RGS6: variants seen among roughly 807,000 people sequenced by gnomAD.
RGS6 encodes regulator of G protein signaling 6.
A neutral mutation model predicts 78.5 loss-of-function variants in RGS6; 30 were observed. That is an observed-to-expected ratio of 0.38 (90% CI 0.29 to 0.52). The LOEUF is 0.52. Among genes scored for constraint, RGS6 ranks in the 20% least tolerant of loss-of-function variants. The pLI is 0.85. For missense variants in RGS6, 495 were observed against 609.7 expected, an observed-to-expected ratio of 0.81 and a Z score of 1.98; for synonymous variants, 206 against 206.0, an observed-to-expected ratio of 1.00 and a Z score of 0.00.
At chr14:72,447,513 T>G (rs1001633762) in intron 3 of RGS6, among the ~76,000 whole-genome samples, 2 of 152,178 alleles carry the variant, frequency 1.3e-5, no homozygotes, top group South Asian at 4.1e-4. Context: ...AACACAAGGA[T>G]TCCAAGTTAC....
intron 3 of RGS6, among the ~76,000 whole-genome samples, chr14:72,381,881 A>G (rs2086220331): frequency 6.6e-6 from 1 of 152,098 alleles, no homozygotes; most frequent in Non-Finnish European, 1.5e-5. Flanking sequence ...CAAATTGGGA[A>G]AGGATATAAA....
chr14:72,280,809 T>A (rs946631633), intron 2 of RGS6, among the ~76,000 whole-genome samples: 2 of 152,174 alleles, frequency 1.3e-5, no homozygotes, highest in African/African-American at 4.8e-5. Flanking sequence ...GTGTTAAAGG[T>A]GAGACTGAGT....
chr14:72,085,853 CAAAA>C (rs35951230), intron 2 of RGS6, among the ~76,000 whole-genome samples: 67 of 72,746 alleles, frequency 9.2e-4, no homozygotes, highest in Non-Finnish European at 1.1e-3. Flanking sequence ...GACACCATCT[CAAAA>C]AAAAAAAAAA....
chr14:72,137,317 C>A (rs1293204447), intron 2 of RGS6, among the ~76,000 whole-genome samples: 3 of 152,164 alleles, frequency 2.0e-5, no homozygotes, highest in African/African-American at 4.8e-5. Context: ...ACAGGAGAAA[C>A]CAAACTGCTT....
chr14:72,103,606 A>G (rs1327200582), intron 2 of RGS6, among the ~76,000 whole-genome samples: 2 of 152,228 alleles, frequency 1.3e-5, no homozygotes, highest in Non-Finnish European at 2.9e-5. Flanking sequence ...CCCCTAAGTA[A>G]GAAAAATCAC....
chr14:72,542,109 A>T (rs1184249593), intron 17 of RGS6, among the ~76,000 whole-genome samples: 2 of 151,898 alleles, frequency 1.3e-5, no homozygotes, highest in African/African-American at 4.8e-5. Flanking sequence ...AACTATTAAA[A>T]AAAACTAAAT....
At chr14:71,879,010 C>T in the RGS6 span, among the ~76,000 whole-genome samples, 13 of 152,196 alleles carry the variant, frequency 8.5e-5, no homozygotes, top group African/African-American at 2.6e-4. Context: ...ATATCTGTAT[C>T]GTTCACTTCA....
rs5809572 is a variant in RGS6 at position 72,416,144 on chromosome 14, CAA to C, written c.185-38367_185-38366del. Among the ~76,000 whole-genome samples, 834 of 97,116 alleles carry C rather than the reference CAA, an allele frequency of 8.6e-3. 7 individuals carry two copies. Among genetic ancestry groups the C allele is most frequent in the Middle Eastern group, 0.024 (4 of 164 alleles). The allele number at this position is 97,116 out of a possible 152,430, so 63.7% of individuals were successfully genotyped here. A position where few individuals can be genotyped will look rare whatever the true frequency, so the allele number is the denominator to read the frequency against. On this transcript the variant is annotated intron_variant, in intron 3 of 17. Transcript: ENST00000553525. ...TGGGTGACAGAATGAGACTCTGTCT[CAA>C]AAAAAAAAAAAAAAAAGTTTATTCC... is the stretch of plus-strand genomic sequence containing the variant.
chr14:72,412,326 T>G (rs934726027), intron 3 of RGS6, among the ~76,000 whole-genome samples: 23 of 152,230 alleles, frequency 1.5e-4, no homozygotes, highest in South Asian at 6.2e-4. Context: ...ATTTATCCAT[T>G]TCTTCTAGAT....
intron 15 of RGS6, among the ~76,000 whole-genome samples, chr14:72,529,544 A>C (rs147940677): frequency 1.8e-4 from 27 of 152,286 alleles, no homozygotes; most frequent in Non-Finnish European, 3.5e-4. Context: ...TCTGACCCAC[A>C]TGGGCCTCCT....
At chr14:72,272,034 C>A (rs1326059851) in intron 2 of RGS6, among the ~76,000 whole-genome samples, 1 of 151,618 alleles carries the variant, frequency 6.6e-6, no homozygotes, top group Non-Finnish European at 1.5e-5. Context: ...CAATTGACAA[C>A]CTTAATTCTA....
At chr14:72,037,323 C>T (rs542619827) in intron 2 of RGS6, among the ~76,000 whole-genome samples, 1 of 152,202 alleles carries the variant, frequency 6.6e-6, no homozygotes, top group Non-Finnish European at 1.5e-5. Flanking sequence ...ATAAATCTTG[C>T]TGCTGCTCAC....
intron 3 of RGS6, among the ~76,000 whole-genome samples, chr14:72,442,023 G>A (rs2095222384): frequency 6.6e-6 from 1 of 152,158 alleles, no homozygotes; most frequent in East Asian, 1.9e-4. Context: ...TGGAATGGAG[G>A]GAAATGTTTG....
intron 1 of RGS6, among the ~76,000 whole-genome samples, chr14:71,936,711 A>G (rs1443544390): frequency 6.6e-6 from 1 of 152,176 alleles, no homozygotes; most frequent in Admixed American, 6.5e-5. Context: ...TGTGAAGTCA[A>G]TAAATCTTAT....
intron 2 of RGS6, among the ~76,000 whole-genome samples, chr14:72,013,731 G>A (rs1394905806): frequency 1.3e-5 from 2 of 152,218 alleles, no homozygotes; most frequent in Non-Finnish European, 2.9e-5. Flanking sequence ...TGCAATGTAT[G>A]TTGTAAACAT....
At position 72,194,005 on chromosome 14, in the gene RGS6, C is replaced by T. The variant is rs535619516; in HGVS notation, c.85-158090C>T. Among the ~76,000 whole-genome samples the T allele has an allele frequency of 2.5e-4, 38 of 152,146 alleles. 1 individual carries two copies. The South Asian group carries it at 6.2e-3, about 25-fold the overall frequency. ...TATGCTTTAAAGGGACCATTCTGAC[C>T]GTCATGTGCAATGAATGGAGTTGAG... On this transcript the variant is annotated intron_variant, in intron 2 of 17. Transcript: ENST00000553525.
intron 2 of RGS6, among the ~76,000 whole-genome samples, chr14:72,313,155 C>T (rs1177411206): frequency 3.3e-5 from 5 of 152,190 alleles, no homozygotes; most frequent in African/African-American, 7.2e-5. Context: ...TAGCGTCCTA[C>T]CATCTCCCTC....
intron 2 of RGS6, among the ~76,000 whole-genome samples, chr14:72,306,466 T>C (rs909147518): frequency 2.6e-5 from 4 of 152,206 alleles, no homozygotes; most frequent in Admixed American, 2.0e-4. Flanking sequence ...AGGATTCCTC[T>C]TGGATCTGAG....
chr14:72,322,658 A>G (rs1314859628), intron 2 of RGS6, among the ~76,000 whole-genome samples: 1 of 152,090 alleles, frequency 6.6e-6, no homozygotes, highest in Non-Finnish European at 1.5e-5. Context: ...AATATTAGAA[A>G]ACAAATCTAA....
Sources: allele counts gnomAD v4.1 joint callset (sites outside exome capture counted in the v4.1 genomes callset), GRCh38; gene constraint gnomAD v4.1.1; transcripts MANE v1.5; gene names NCBI Gene and HGNC (gene_info 2026-07-23, HGNC 2026-07-21).